Variants in RIC3 observed in about 807,000 individuals in gnomAD.
RIC3 encodes RIC3 acetylcholine receptor chaperone.
A neutral mutation model predicts 27.3 loss-of-function variants in RIC3; 28 were observed. The ratio of observed to expected loss-of-function variants is 1.02; its 90% CI spans 0.76 to 1.41. RIC3 has a LOEUF of 1.41. RIC3 is among the 40% of genes most tolerant of loss of function. RIC3 has a pLI of 0.00. For missense variants in RIC3, 501 were observed against 444.7 expected (o/e 1.13, Z -1.14); for synonymous variants, 184 against 160.4 (o/e 1.15, Z -1.11).
At chr11:8,149,868 A>G (rs1455731355) in intron 1 of RIC3, among the ~76,000 whole-genome samples, 1 of 152,138 alleles carries the variant, frequency 6.6e-6, no homozygotes, top group East Asian at 1.9e-4. Flanking sequence ...CTATCAACCA[A>G]CCACCTGATA....
intron 4 of RIC3, among the ~76,000 whole-genome samples, chr11:8,133,838 G>A (rs1486865106): frequency 6.6e-6 from 1 of 152,070 alleles, no homozygotes; most frequent in Non-Finnish European, 1.5e-5. Context: ...ACTGAATGGT[G>A]GAGTAATTTG....
intron 4 of RIC3, among the ~76,000 whole-genome samples, chr11:8,128,022 A>T (rs1185382867): frequency 1.3e-5 from 2 of 152,250 alleles, no homozygotes; most frequent in African/African-American, 2.4e-5. Context: ...CAAAGCCATG[A>T]ACTACTAAAG....
intron 1 of RIC3, among the ~76,000 whole-genome samples, chr11:8,141,344 G>T (rs1480487668): frequency 6.6e-6 from 1 of 151,944 alleles, no homozygotes; most frequent in East Asian, 1.9e-4. Flanking sequence ...GATCTACCAA[G>T]CAAATGGAAA....
At chr11:8,100,451 C>T in the RIC3 span, 1 of 1,440,596 alleles carries the variant, frequency 6.9e-7, no homozygotes, top group Non-Finnish European at 9.7e-7. Context: ...CCCACCTTCT[C>T]CAGTAGGTAA....
chr11:8,154,926 T>C (rs1950544355), intron 1 of RIC3, among the ~76,000 whole-genome samples: 1 of 152,214 alleles, frequency 6.6e-6, no homozygotes, highest in Non-Finnish European at 1.5e-5. Context: ...TATTGAAAGC[T>C]TTGCCCATAT....
intron 5 of RIC3, among the ~76,000 whole-genome samples, chr11:8,123,668 G>C (rs562424783): frequency 6.6e-6 from 1 of 151,960 alleles, no homozygotes; most frequent in Non-Finnish European, 1.5e-5. Context: ...ACTATCAAAA[G>C]TTCACTCAAG....
chr11:8,138,038 C>A (rs538046946), intron 3 of RIC3, among the ~76,000 whole-genome samples: 11 of 152,246 alleles, frequency 7.2e-5, no homozygotes, highest in African/African-American at 2.6e-4. Context: ...TCATTCCAAA[C>A]GTGAAATATT....
At chr11:8,163,032 C>T (rs943449425) in intron 1 of RIC3, among the ~76,000 whole-genome samples, 1 of 145,284 alleles carries the variant, frequency 6.9e-6, no homozygotes, top group Non-Finnish European at 1.5e-5. Flanking sequence ...CACACACACA[C>T]ACACACACAC....
chr11:8,136,366 C>A (rs1262133859), intron 4 of RIC3, among the ~76,000 whole-genome samples: 1 of 152,196 alleles, frequency 6.6e-6, no homozygotes, highest in Non-Finnish European at 1.5e-5. Context: ...TTCAACACTT[C>A]CTTCTGCATG....
At chr11:8,112,312 C>T (rs1475084414) in intron 5 of RIC3, among the ~76,000 whole-genome samples, 10 of 139,968 alleles carry the variant, frequency 7.1e-5, no homozygotes, top group Admixed American at 5.3e-4. Context: ...TTTTTTGAGA[C>T]GGAGTCTCGC....
intron 5 of RIC3, among the ~76,000 whole-genome samples, chr11:8,122,864 CAAA>C (rs55826618): frequency 5.8e-4 from 37 of 63,514 alleles, no homozygotes; most frequent in African/African-American, 1.4e-3. Context: ...ACCAGGTATG[CAAA>C]AAAAAAAAAA....
Position 8,110,567 on chromosome 11 carries a change from A to G in RIC3, c.*131T>C. On this transcript the variant is annotated 3_prime_UTR_variant, in exon 6 of 6. Transcript: ENST00000309737. Reference sequence around the variant, plus strand: ...GCACCAGGAAGGATACATGATATCCATGATAGTGGCCTGATAGCTATGACA... The same window carrying G: ...GCACCAGGAAGGATACATGATATCCGTGATAGTGGCCTGATAGCTATGACA... The G allele has an allele frequency of 3.7e-6, 3 of 821,148 alleles. No individual in the cohort carries two copies. The highest frequency in any genetic ancestry group is 1.8e-5 in the Admixed American group (1 of 54,654). 50.9% of individuals were successfully genotyped at this position (821,148 alleles called of 1,614,324 possible). A position where few individuals can be genotyped will look rare whatever the true frequency, so the allele number is the denominator to read the frequency against.
At chr11:8,130,586 C>A (rs1947571178) in intron 4 of RIC3, among the ~76,000 whole-genome samples, 1 of 152,240 alleles carries the variant, frequency 6.6e-6, no homozygotes, top group South Asian at 2.1e-4. Context: ...TCCATTAGGT[C>A]CCCTTAACTT....
downstream of RIC3, chr11:8,105,948 T>C (rs1055233): frequency 0.53 from 79,962 of 152,090 alleles, 23,319 homozygotes; most frequent in Middle Eastern, 0.66. Flanking sequence ...CAGCCAGTTT[T>C]CACAATGCCT....
chr11:8,135,415 A>G (rs574559311), intron 4 of RIC3, among the ~76,000 whole-genome samples: 9 of 152,306 alleles, frequency 5.9e-5, no homozygotes, highest in East Asian at 5.8e-4. Context: ...GTCAGGTAGC[A>G]TGATGCCTCC....
intron 1 of RIC3, among the ~76,000 whole-genome samples, chr11:8,166,142 T>C (rs1951676357): frequency 6.6e-6 from 1 of 152,170 alleles, no homozygotes; most frequent in African/African-American, 2.4e-5. Flanking sequence ...CATGTCTCCA[T>C]TGTTCCCTGC....
chr11:8,165,431 A>G (rs1565145101), intron 1 of RIC3, among the ~76,000 whole-genome samples: 1 of 152,204 alleles, frequency 6.6e-6, no homozygotes, highest in South Asian at 2.1e-4. Flanking sequence ...GTCAGTCACA[A>G]AAGATCAGAT....
chr11:8,100,306 C>G, the RIC3 span, among the ~76,000 whole-genome samples: 1 of 152,092 alleles, frequency 6.6e-6, no homozygotes, highest in African/African-American at 2.4e-5. Context: ...GCAAGGATGA[C>G]GCATAAGAGG....
rs1746984589 is a variant in RIC3, at chr11:8,107,557, G to A, written c.*3141C>T. On this transcript the variant is annotated 3_prime_UTR_variant, in exon 6 of 6. Coordinates refer to ENST00000309737, the MANE Select transcript of RIC3 (RefSeq NM_001206671.4). Reference sequence around the variant, plus strand: ...CCTTTTTCCAAAGTGTTTGAATTTGGACCTTAAGTTATTTGATCACCCAAG... The same window carrying A: ...CCTTTTTCCAAAGTGTTTGAATTTGAACCTTAAGTTATTTGATCACCCAAG... 1 of 152,076 alleles carries A rather than the reference G, an allele frequency of 6.6e-6. No homozygotes were observed. Among genetic ancestry groups the A allele is most frequent in the African/African-American group, 2.4e-5 (1 of 41,398 alleles). 9.4% of individuals were successfully genotyped at this position (152,076 alleles called of 1,614,324 possible).
Sources: allele counts gnomAD v4.1 joint callset (sites outside exome capture counted in the v4.1 genomes callset), GRCh38; gene constraint gnomAD v4.1.1; transcripts MANE v1.5; gene names NCBI Gene and HGNC (gene_info 2026-07-23, HGNC 2026-07-21).